The following WDPCP variants were observed in gnomAD, a reference collection of about 807,000 sequenced individuals.
The protein encoded by WDPCP is WD repeat containing planar cell polarity effector.
Under a neutral mutation model 93.1 loss-of-function variants are expected in WDPCP, and 71 were observed. The ratio of observed to expected loss-of-function variants is 0.76; its 90% CI spans 0.63 to 0.93. The LOEUF (loss-of-function observed/expected upper bound fraction) is 0.93, where lower values mean the gene tolerates loss of function less well. WDPCP is among the 40% of genes least tolerant of loss of function. The pLI, the probability that WDPCP is intolerant of heterozygous loss-of-function variation, is 0.00. For synonymous variants in WDPCP, 315 were observed against 315.0 expected (o/e 1.00, Z 0.00); for missense variants, 844 against 887.4 (o/e 0.95, Z 0.62).
At chr2:63,234,257 C>T (rs1679183987) in intron 14 of WDPCP, among the ~76,000 whole-genome samples, 1 of 151,928 alleles carries the variant, frequency 6.6e-6, no homozygotes, top group Non-Finnish European at 1.5e-5. Context: ...GGTATAACAA[C>T]ACCTGTTACC....
At chr2:63,568,375 T>C (rs1202662688) in intron 1 of WDPCP, among the ~76,000 whole-genome samples, 1 of 151,494 alleles carries the variant, frequency 6.6e-6, no homozygotes, top group East Asian at 1.9e-4. Context: ...CCTCTCTCTC[T>C]AAAGAGCTCT....
At chr2:63,216,496 G>A (rs1384273814) in intron 14 of WDPCP, among the ~76,000 whole-genome samples, 1 of 152,064 alleles carries the variant, frequency 6.6e-6, no homozygotes, top group Non-Finnish European at 1.5e-5. Flanking sequence ...ACTTATAGGT[G>A]GGAATTGAAG....
chr2:63,751,963 C>A, intron 2 of WDPCP: 2 of 641,878 alleles, frequency 3.1e-6, no homozygotes, highest in South Asian at 2.8e-5. Context: ...GCCATCATGA[C>A]CACTGAAGTT....
rs143841321 is a variant in WDPCP at position 63,734,318 on chromosome 2, C to T, written n.308+79304G>A. On this transcript the variant is annotated intron_variant and non_coding_transcript_variant, in intron 2 of 4. Coordinates refer to the WDPCP transcript ENST00000467687. ...AAAAATTGGCAAACATCACAAAAGG[C>T]CTAGAAATGAATAAAGTGGCTTTAT... 1.6e-4 allele frequency among the ~76,000 whole-genome samples: 25 copies of T among 151,860 alleles called. 1 individual carries two copies. In the East Asian group the frequency reaches 4.3e-3, roughly 26 times the overall value.
intron 14 of WDPCP, among the ~76,000 whole-genome samples, chr2:63,193,637 C>T (rs1675204909): frequency 6.6e-6 from 1 of 152,196 alleles, no homozygotes; most frequent in Non-Finnish European, 1.5e-5. Flanking sequence ...CAAGCACGAA[C>T]CACCATGCCT....
intron 2 of WDPCP, among the ~76,000 whole-genome samples, chr2:63,808,962 A>C (rs57724389): frequency 1.2e-4 from 17 of 146,920 alleles, no homozygotes; most frequent in African/African-American, 4.3e-4. Context: ...GCCTCCCATC[A>C]TCTGAGATGT....
At chr2:63,575,308 G>A (rs1419339832) in intron 1 of WDPCP, among the ~76,000 whole-genome samples, 1 of 142,762 alleles carries the variant, frequency 7.0e-6, no homozygotes, top group Admixed American at 7.4e-5. Context: ...TATATATATA[G>A]TATGTACATA....
intron 3 of WDPCP, among the ~76,000 whole-genome samples, chr2:63,607,468 G>A (rs755621741): frequency 1.3e-5 from 2 of 151,780 alleles, no homozygotes; most frequent in Non-Finnish European, 2.9e-5. Flanking sequence ...CCCGGGGGGC[G>A]GAAGTTGCAG....
At chr2:63,688,801 T>G (rs1170660501) in intron 2 of WDPCP, among the ~76,000 whole-genome samples, 1 of 152,124 alleles carries the variant, frequency 6.6e-6, no homozygotes, top group Non-Finnish European at 1.5e-5. Flanking sequence ...AAATTCATGT[T>G]GAAATTTGAT....
intron 12 of WDPCP, among the ~76,000 whole-genome samples, chr2:63,356,034 A>G (rs1161435654): frequency 6.6e-6 from 1 of 152,198 alleles, no homozygotes; most frequent in Non-Finnish European, 1.5e-5. Context: ...AAGAGACCCA[A>G]CTCACAGGTA....
intron 14 of WDPCP, among the ~76,000 whole-genome samples, chr2:63,197,575 T>C (rs1001174138): frequency 2.0e-5 from 3 of 152,244 alleles, no homozygotes; most frequent in African/African-American, 7.2e-5. Context: ...AAGTACATCC[T>C]GTAAAAAACA....
chr2:63,407,596 G>T (rs943255360), intron 9 of WDPCP, among the ~76,000 whole-genome samples: 1 of 152,072 alleles, frequency 6.6e-6, no homozygotes, highest in Non-Finnish European at 1.5e-5. Context: ...TACACACTCT[G>T]TTTGTCCTAC....
intron 3 of WDPCP, among the ~76,000 whole-genome samples, chr2:63,631,334 A>G (rs1453589532): frequency 2.0e-5 from 3 of 152,150 alleles, no homozygotes; most frequent in African/African-American, 7.2e-5. Context: ...TGAGAAAATA[A>G]TTTATAGCAC....
intron 2 of WDPCP, among the ~76,000 whole-genome samples, chr2:63,661,736 C>T (rs1020812001): frequency 6.6e-6 from 1 of 152,130 alleles, no homozygotes; most frequent in Non-Finnish European, 1.5e-5. Context: ...TAGTAGCTGA[C>T]ATAATAGATG....
chr2:63,464,964 C>T (rs1699248120), intron 6 of WDPCP, among the ~76,000 whole-genome samples: 1 of 151,828 alleles, frequency 6.6e-6, no homozygotes, highest in Non-Finnish European at 1.5e-5. Context: ...ACATCTGTTT[C>T]ACAATAATGT....
chr2:63,336,723 ATTTAATT>A (rs1339135780), intron 12 of WDPCP, among the ~76,000 whole-genome samples: 1 of 151,596 alleles, frequency 6.6e-6, no homozygotes, highest in Non-Finnish European at 1.5e-5. Context: ...TCTTTTTTTA[ATTTAATT>A]TTTAGGTAAA....
chr2:63,670,229 C>G (rs1286221428), intron 2 of WDPCP, among the ~76,000 whole-genome samples: 1 of 152,110 alleles, frequency 6.6e-6, no homozygotes, highest in East Asian at 1.9e-4. Flanking sequence ...TTTCAAGGTG[C>G]CAGGCTTTTA....
At chr2:63,363,807 G>C (rs1178337168) in intron 12 of WDPCP, among the ~76,000 whole-genome samples, 2 of 151,964 alleles carry the variant, frequency 1.3e-5, no homozygotes, top group African/African-American at 4.8e-5. Context: ...TGATAACTCT[G>C]ATATTTTCTC....
intron 14 of WDPCP, among the ~76,000 whole-genome samples, chr2:63,181,307 T>C (rs550327176): frequency 6.6e-6 from 1 of 152,274 alleles, no homozygotes; most frequent in South Asian, 2.1e-4. Context: ...TAGGTTTTCT[T>C]CTAGTATTTT....
Sources: gnomAD v4.1 joint callset for allele counts (sites outside exome capture counted in the v4.1 genomes callset) on GRCh38, gnomAD v4.1.1 for gene constraint, MANE v1.5 for transcripts, NCBI Gene and HGNC (gene_info 2026-07-23, HGNC 2026-07-21) for gene names.